CRYAB: variants seen among roughly 807,000 people sequenced by gnomAD.
CRYAB encodes crystallin alpha B.
A neutral mutation model predicts 12.7 loss-of-function variants in CRYAB; 9 were observed. That is an observed-to-expected ratio of 0.71 (90% CI 0.43 to 1.24). CRYAB has a LOEUF of 1.24. Among genes scored for constraint, CRYAB ranks in the 50% most tolerant of loss-of-function variants. CRYAB has a pLI of 0.00. For missense variants in CRYAB, 183 were observed against 226.6 expected (o/e 0.81, Z 1.24); for synonymous variants, 93 against 86.8 (o/e 1.07, Z -0.40).
upstream of CRYAB, among the ~76,000 whole-genome samples, chr11:111,916,075 C>T (rs587624108): frequency 1.6e-3 from 245 of 152,112 alleles, no homozygotes; most frequent in Non-Finnish European, 2.7e-3. Context: ...CTGACTTAAC[C>T]GTTATAAATT....
In CRYAB at chr11:111,910,370, A is replaced by G; in HGVS notation, c.281T>C (p.Leu94Ser). Reference protein sequence around the residue: ...FSPEELKVKVLGDVIEVHGKH... With the variant: ...FSPEELKVKVSGDVIEVHGKH... Reference sequence around the variant, plus strand: ...TCCATGCACCTCAATCACATCTCCCAACACCTTAACTTTGAGTTCCTCTGG... The same window carrying G: ...TCCATGCACCTCAATCACATCTCCCGACACCTTAACTTTGAGTTCCTCTGG... Residue 94 changes from leucine to serine, a missense_variant, in exon 2 of 3, where the codon TTG (leucine) becomes TCG (serine). Coordinates refer to ENST00000650687, the MANE Select transcript of CRYAB (RefSeq NM_001289808.2). The G allele has an allele frequency of 6.2e-7, 1 of 1,614,174 alleles. No individual in the cohort carries two copies.
chr11:111,912,858 A>G, upstream of CRYAB: 27 of 1,606,746 alleles, frequency 1.7e-5, no homozygotes, highest in Non-Finnish European at 2.3e-5. Context: ...CCACATGCCC[A>G]CCCGGCCACC....
At chr11:111,922,411 A>G (rs1965714676) in intron 1 of CRYAB, among the ~76,000 whole-genome samples, 1 of 152,168 alleles carries the variant, frequency 6.6e-6, no homozygotes, top group African/African-American at 2.4e-5. Flanking sequence ...CTTTATTGTT[A>G]TTGTTTCTGA....
chr11:111,914,092 G>A (rs4252590), upstream of CRYAB: 10,421 of 596,328 alleles, frequency 0.017, 145 homozygotes, highest in Admixed American at 0.019. Flanking sequence ...AAATCTCAGG[G>A]CCTTGTTTGT....
At chr11:111,918,496 T>C (rs1252073666) in intron 1 of CRYAB, among the ~76,000 whole-genome samples, 1 of 152,148 alleles carries the variant, frequency 6.6e-6, no homozygotes, top group Non-Finnish European at 1.5e-5. Flanking sequence ...ACCCAGATTC[T>C]GTACAAAAAT....
chr11:111,912,010 C>T (rs1965478126), upstream of CRYAB: 1 of 400,800 alleles, frequency 2.5e-6, no homozygotes, highest in Non-Finnish European at 4.6e-6. Context: ...CACCCAATGG[C>T]ACCCACCCCC....
intron 1 of CRYAB, among the ~76,000 whole-genome samples, chr11:111,920,649 A>G (rs949020308): frequency 4.6e-5 from 7 of 152,126 alleles, no homozygotes; most frequent in Non-Finnish European, 7.4e-5. Flanking sequence ...TTGTAATCCC[A>G]GGTACTTGGG....
chr11:111,923,282 GC>G (rs1965729664), intron 1 of CRYAB, among the ~76,000 whole-genome samples: 1 of 152,172 alleles, frequency 6.6e-6, no homozygotes, highest in South Asian at 2.1e-4. Flanking sequence ...AGACTCAACT[GC>G]TGTCAACTGA....
intron 2 of CRYAB, chr11:111,909,417 T>C: frequency 2.8e-6 from 1 of 356,124 alleles, no homozygotes; most frequent in Non-Finnish European, 5.4e-6. Context: ...AAGGAGACTA[T>C]GACCCAAACC....
upstream of CRYAB, chr11:111,918,036 G>A (rs897907802): frequency 7.9e-5 from 12 of 152,122 alleles, no homozygotes; most frequent in African/African-American, 2.9e-4. Context: ...GGAGTGCAGA[G>A]CTGAGTGGTG....
At chr11:111,909,955 C>T (rs1326696867) in intron 2 of CRYAB, 3 of 587,090 alleles carry the variant, frequency 5.1e-6, no homozygotes, top group Non-Finnish European at 9.1e-6. Flanking sequence ...TTTAATTGGT[C>T]TGGAGTAGTG....
In CRYAB at chr11:111,908,717, G is replaced by T. The variant is rs1455892505; in HGVS notation, c.*47C>A. ...CTAGTCACAAGACTTTCATTCACTG[G>T]TGGGGAAACTTTCTTGTTTTAAAAA... On this transcript the variant is annotated 3_prime_UTR_variant, in exon 3 of 3. Coordinates refer to ENST00000650687, the MANE Select transcript of CRYAB (RefSeq NM_001289808.2). 2 of 1,585,524 alleles carry T rather than the reference G, an allele frequency of 1.3e-6. No homozygotes were observed. Among genetic ancestry groups the T allele is most frequent in the Non-Finnish European group, 1.7e-6 (2 of 1,156,084 alleles).
intron 1 of CRYAB, among the ~76,000 whole-genome samples, chr11:111,920,266 T>C (rs1186633607): frequency 6.6e-6 from 1 of 151,936 alleles, no homozygotes; most frequent in Non-Finnish European, 1.5e-5. Flanking sequence ...TCGGATGCAG[T>C]GACTCACACC....
intron 2 of CRYAB, among the ~76,000 whole-genome samples, chr11:111,909,464 A>ATTACTGAGG (rs1335107272): frequency 6.6e-6 from 1 of 152,208 alleles, no homozygotes; most frequent in African/African-American, 2.4e-5. Context: ...GCCTGAGGAC[A>ATTACTGAGG]TTACTGAGGA....
chr11:111,911,406 A>G (rs1354285661), intron 1 of CRYAB, 118 bp downstream of exon 1: 10 of 1,015,770 alleles, frequency 9.8e-6, no homozygotes, highest in South Asian at 1.4e-5. Context: ...ATTTTTCTTC[A>G]CATTTGGACA....
upstream of CRYAB, chr11:111,913,595 T>C (rs1965542470): frequency 6.2e-7 from 1 of 1,614,208 alleles, no homozygotes; most frequent in Non-Finnish European, 8.5e-7. Context: ...TGAGCCACTT[T>C]ACCCCAGACG....
intron 1 of CRYAB, among the ~76,000 whole-genome samples, chr11:111,920,056 G>A (rs1431513748): frequency 6.6e-6 from 1 of 151,854 alleles, no homozygotes; most frequent in Non-Finnish European, 1.5e-5. Context: ...TTAGCCGGGC[G>A]TGGTGGTGGG....
intron 1 of CRYAB, among the ~76,000 whole-genome samples, chr11:111,921,357 A>G (rs587659144): frequency 1.3e-5 from 2 of 152,352 alleles, no homozygotes; most frequent in East Asian, 3.9e-4. Flanking sequence ...TGAAGGTCCA[A>G]CATTTGGTAA....
upstream of CRYAB, chr11:111,913,849 C>A: frequency 6.2e-7 from 1 of 1,613,634 alleles, no homozygotes; most frequent in Non-Finnish European, 8.5e-7. Context: ...CTCCCTGCGC[C>A]TCCTGATCCA....
Sources: gnomAD v4.1 joint callset for allele counts (sites outside exome capture counted in the v4.1 genomes callset) on GRCh38, gnomAD v4.1.1 for gene constraint, MANE v1.5 for transcripts, NCBI Gene and HGNC (gene_info 2026-07-23, HGNC 2026-07-21) for gene names.